NAA16: variants seen among roughly 807,000 people sequenced by gnomAD.
NAA16 encodes the protein NARG1-like protein.
Under a neutral mutation model 110.3 loss-of-function variants are expected in NAA16, and 97 were observed. The ratio of observed to expected loss-of-function variants is 0.88; its 90% confidence interval spans 0.75 to 1.04. The LOEUF is 1.04. Ranked by LOEUF, NAA16 falls within the 50% of genes least tolerant of loss-of-function variation. The pLI, the probability that NAA16 is intolerant of heterozygous loss-of-function variation, is 0.00. For synonymous variants in NAA16, 372 were observed against 330.6 expected (o/e 1.13, Z -1.36); for missense variants, 1,017 against 1,005.1 (o/e 1.01, Z -0.16).
rs751532489 is a variant in NAA16 at position 41,336,790 on chromosome 13, T to C, written c.1014+34T>C. 2.5e-6 allele frequency: 3 copies of C among 1,213,690 alleles called. No homozygotes were observed. The African/African-American group carries it at 4.6e-5, about 18-fold the overall frequency. The allele number at this position is 1,213,690 out of a possible 1,614,324, so 75.2% of individuals were successfully genotyped here. A position where few individuals can be genotyped will look rare whatever the true frequency, so the allele number is the denominator to read the frequency against. On this transcript the variant is annotated intron_variant, in intron 9 of 19. Transcript: ENST00000379406. The stretch of plus-strand genomic sequence containing the variant: ...TGGTATTTATTCAGATTTGCTATAG[T>C]CTTTTTTACTAAACTGTAGAAAGAT...
At chr13:41,369,751 G>A (rs866951852) in intron 15 of NAA16, among the ~76,000 whole-genome samples, 4 of 152,182 alleles carry the variant, frequency 2.6e-5, no homozygotes, top group Non-Finnish European at 5.9e-5. Context: ...AAGATGGAAG[G>A]AGGGTGCCCC....
At chr13:41,358,525 G>T (rs1469381934) in intron 11 of NAA16, 52 bp downstream of exon 11, 1 of 1,599,038 alleles carries the variant, frequency 6.3e-7, no homozygotes, top group Non-Finnish European at 8.5e-7. Flanking sequence ...GCTACTTTAA[G>T]AATCCTTGGA....
chr13:41,336,985 T>A (rs1367982157), intron 9 of NAA16, among the ~76,000 whole-genome samples: 1 of 152,080 alleles, frequency 6.6e-6, no homozygotes, highest in Non-Finnish European at 1.5e-5. Context: ...TAGGTATACT[T>A]TTTTTTAGTA....
At chr13:41,311,927 C>T (rs1354628430) in intron 1 of NAA16, among the ~76,000 whole-genome samples, 1 of 152,270 alleles carries the variant, frequency 6.6e-6, no homozygotes, top group East Asian at 1.9e-4. Flanking sequence ...GCAGCAGCCC[C>T]TCAGGGATCC....
At chr13:41,329,944 C>T (rs1240892456) in intron 7 of NAA16, among the ~76,000 whole-genome samples, 2 of 151,938 alleles carry the variant, frequency 1.3e-5, no homozygotes, top group Non-Finnish European at 2.9e-5. Flanking sequence ...ATGACCTTTC[C>T]TTCCCCGTGG....
At chr13:41,340,541 T>C (rs565249707) in intron 9 of NAA16, among the ~76,000 whole-genome samples, 1 of 152,088 alleles carries the variant, frequency 6.6e-6, no homozygotes, top group Non-Finnish European at 1.5e-5. Context: ...TTTGTTCTCG[T>C]TGGTTTCAAA....
rs1385721921 is a variant in NAA16, at chr13:41,375,724, A to G, written c.*122A>G. On this transcript the variant is annotated 3_prime_UTR_variant, in exon 20 of 20. Coordinates refer to ENST00000379406, the MANE Select transcript of NAA16 (RefSeq NM_024561.5). ...TTTGGTTAGGATTTTTAAATGGCAT[A>G]TTCTGTAAGCTTATTTTGTTCTTTA... 10 of 712,442 alleles carry G rather than the reference A, an allele frequency of 1.4e-5. No individual in the cohort carries two copies. In the Admixed American group the frequency reaches 2.5e-4, roughly 18 times the overall value. 44.1% of individuals were successfully genotyped at this position (712,442 alleles called of 1,614,324 possible). A position where few individuals can be genotyped will look rare whatever the true frequency, so the allele number is the denominator to read the frequency against.
chr13:41,353,798 CA>C (rs1566284088), intron 9 of NAA16, among the ~76,000 whole-genome samples: 114 of 147,574 alleles, frequency 7.7e-4, no homozygotes, highest in African/African-American at 1.6e-3. Flanking sequence ...CACACACACA[CA>C]CACCCCAAAA....
At chr13:41,364,771 T>C (rs2043178542) in intron 13 of NAA16, among the ~76,000 whole-genome samples, 1 of 152,216 alleles carries the variant, frequency 6.6e-6, no homozygotes, top group Non-Finnish European at 1.5e-5. Flanking sequence ...TTTATCAAAT[T>C]GATAACATGC....
At position 41,316,558 on chromosome 13, in the gene NAA16, G is replaced by A. The variant is rs555069255; in HGVS notation, c.55-288G>A. ...GAGCTCAAGCGATCCGCCCACCTTT[G>A]CCTCCCAAAGTGCTGGAATTACAAG... On this transcript the variant is annotated intron_variant, in intron 1 of 19. Coordinates refer to ENST00000379406, the MANE Select transcript of NAA16 (RefSeq NM_024561.5). 5.3e-5 allele frequency among the ~76,000 whole-genome samples: 8 copies of A among 152,196 alleles called. No homozygotes were observed. In the Middle Eastern group the frequency reaches 0.014, roughly 259 times the overall value.
intron 15 of NAA16, among the ~76,000 whole-genome samples, chr13:41,371,635 A>G (rs972612714): frequency 2.0e-5 from 3 of 152,192 alleles, no homozygotes; most frequent in Non-Finnish European, 4.4e-5. Context: ...AATACAGTAT[A>G]CAATACATGT....
chr13:41,346,190 T>C (rs2042676664), intron 9 of NAA16, among the ~76,000 whole-genome samples: 1 of 152,166 alleles, frequency 6.6e-6, no homozygotes, highest in Non-Finnish European at 1.5e-5. Context: ...GATTCATTCT[T>C]TTGTGTGTGA....
chr13:41,328,224 G>A (rs2042144043), intron 6 of NAA16, among the ~76,000 whole-genome samples: 1 of 152,012 alleles, frequency 6.6e-6, no homozygotes, highest in Admixed American at 6.6e-5. Context: ...TGGCTTGTGT[G>A]GTTTCCTGTT....
chr13:41,348,309 C>G (rs895213179), intron 9 of NAA16, among the ~76,000 whole-genome samples: 1 of 151,934 alleles, frequency 6.6e-6, no homozygotes, highest in South Asian at 2.1e-4. Flanking sequence ...CTGGGACTAC[C>G]GGCGTGCACC....
intron 7 of NAA16, among the ~76,000 whole-genome samples, chr13:41,329,049 GACCCT>G (rs2042167057): frequency 1.3e-5 from 2 of 151,908 alleles, no homozygotes; most frequent in Non-Finnish European, 2.9e-5. Flanking sequence ...TAGGTTCCTT[GACCCT>G]TACCTGTGAT....
intron 11 of NAA16, 152 bp from the exon 12 acceptor site, chr13:41,358,656 GCT>G (rs2043045979): frequency 2.1e-6 from 3 of 1,429,386 alleles, no homozygotes; most frequent in African/African-American, 2.9e-5. Flanking sequence ...AATCATTTGA[GCT>G]CTTAGTAAAT....
At chr13:41,358,596 T>C in intron 11 of NAA16, 123 bp downstream of exon 11, 1 of 1,467,258 alleles carries the variant, frequency 6.8e-7, no homozygotes, top group Non-Finnish European at 9.0e-7. Flanking sequence ...AATAATCCTG[T>C]GTAGTTTCAT....
In NAA16 at chr13:41,325,239, G is replaced by A. The variant is rs373097518; in HGVS notation, c.538-459G>A. ...CAAAGACCTGGGGTTACAGATGTGC[G>A]CCACCGTGCCTGGCCAACGGAACTT... On this transcript the variant is annotated intron_variant, in intron 5 of 19. Transcript: ENST00000379406. 7.2e-5 allele frequency among the ~76,000 whole-genome samples: 11 copies of A among 151,992 alleles called. No individual in the cohort carries two copies. The South Asian group carries it at 1.0e-3, about 14-fold the overall frequency.
intron 6 of NAA16, among the ~76,000 whole-genome samples, chr13:41,326,112 T>A (rs2042087543): frequency 6.6e-6 from 1 of 152,178 alleles, no homozygotes; most frequent in East Asian, 1.9e-4. Context: ...TGGATTTGAA[T>A]CCAGATTTCA....
Sources: allele counts gnomAD v4.1 joint callset (sites outside exome capture counted in the v4.1 genomes callset), GRCh38; gene constraint gnomAD v4.1.1; transcripts MANE v1.5; gene names NCBI Gene and HGNC (gene_info 2026-07-23, HGNC 2026-07-21).